The following TMPRSS7 variants were observed in gnomAD, a reference collection of about 807,000 sequenced individuals.
TMPRSS7 encodes the protein transmembrane serine protease 7.
TMPRSS7 carries 81 observed loss-of-function variants against 95.6 expected under a neutral mutation model. The observed-to-expected ratio is 0.85, with a 90% CI of 0.71 to 1.02. TMPRSS7 has a LOEUF of 1.02. Among genes scored for constraint, TMPRSS7 ranks in the 50% least tolerant of loss-of-function variants. The pLI, the probability that TMPRSS7 is intolerant of heterozygous loss-of-function variation, is 0.00. For missense variants in TMPRSS7, 945 were observed against 955.2 expected (o/e 0.99, Z 0.14); for synonymous variants, 364 against 337.8 (o/e 1.08, Z -0.85).
At chr3:112,056,227 T>G (rs991330334) in intron 9 of TMPRSS7, among the ~76,000 whole-genome samples, 1 of 152,150 alleles carries the variant, frequency 6.6e-6, no homozygotes, top group Non-Finnish European at 1.5e-5. Flanking sequence ...AAAGTGACCA[T>G]GAAGCATTCA....
rs370902046 is a variant in TMPRSS7 at position 112,050,744 on chromosome 3, C to G, written c.1164C>G (p.Ser388Arg). ...AAATTTCAAGCCCATATTACCCGAG[C>G]TACTATCCTCCAAAATGCAAGTGTA... The change falls in exon 9 of 18, where the codon AGC (serine) becomes AGG (arginine). Residue 388 changes from serine (S) to arginine (R), a missense_variant. Physicochemically the swap from Ser to Arg is moderately radical, Grantham distance 110 (BLOSUM62 -1). Coordinates refer to ENST00000452346, the Ensembl canonical transcript of TMPRSS7. 1.9e-6 allele frequency: 3 copies of G among 1,601,950 alleles called. No individual in the cohort carries two copies. The African/African-American group carries it at 4.0e-5, about 21-fold the overall frequency.
chr3:112,042,099 AGGTG>A (rs1187303594), intron 3 of TMPRSS7, 49 bp downstream of exon 3: 1 of 1,481,224 alleles, frequency 6.8e-7, no homozygotes, highest in South Asian at 1.2e-5. Context: ...GTTTGCGGGG[AGGTG>A]GGGGATGAAG....
intron 9 of TMPRSS7, among the ~76,000 whole-genome samples, chr3:112,053,655 C>G (rs953004178): frequency 8.5e-5 from 13 of 152,170 alleles, no homozygotes; most frequent in African/African-American, 3.1e-4. Flanking sequence ...AAACACACCT[C>G]TAATACAGAA....
rs1559952842 is a variant in TMPRSS7, at chr3:112,044,119, G to A, written c.430-136G>A. On this transcript the variant is annotated intron_variant, in intron 3 of 17. Coordinates refer to ENST00000452346, the Ensembl canonical transcript of TMPRSS7. ...TGAATTCAAGAAATAATGCCGGGGT[G>A]TGGAGTTAGGAGCCTTTATTTTGAG... The A allele has an allele frequency of 5.0e-6, 3 of 596,472 alleles. No individual in the cohort carries two copies. The South Asian group carries it at 6.4e-5, about 13-fold the overall frequency. The allele number at this position is 596,472 out of a possible 1,614,324, so 36.9% of individuals were successfully genotyped here.
intron 5 of TMPRSS7, 112 bp downstream of exon 5, chr3:112,046,055 TCCCA>T: frequency 1.1e-6 from 1 of 945,918 alleles, no homozygotes; most frequent in Non-Finnish European, 1.6e-6. Context: ...TACCCCACAA[TCCCA>T]GTGGCGCAGG....
chr3:112,075,429 G>C, exon 15 of TMPRSS7: 16 of 1,552,728 alleles, frequency 1.0e-5, no homozygotes, highest in South Asian at 1.2e-5. Flanking sequence ...TCTGCCTACT[G>C]TGGTGCCTCA....
At chr3:112,057,772 C>A (rs569239737) in intron 10 of TMPRSS7, among the ~76,000 whole-genome samples, 1 of 152,220 alleles carries the variant, frequency 6.6e-6, no homozygotes, top group East Asian at 1.9e-4. Context: ...GTCACCCAGG[C>A]TGGAGTGCTG....
intron 13 of TMPRSS7, among the ~76,000 whole-genome samples, chr3:112,072,563 C>T (rs1438179714): frequency 1.3e-5 from 2 of 152,234 alleles, no homozygotes; most frequent in Admixed American, 6.5e-5. Flanking sequence ...TTCAGCTATG[C>T]CCTGCCCACA....
intron 2 of TMPRSS7, among the ~76,000 whole-genome samples, chr3:112,039,016 AC>A (rs1559950866): frequency 6.6e-6 from 1 of 151,976 alleles, no homozygotes; most frequent in Non-Finnish European, 1.5e-5. Context: ...TCCACCCACC[AC>A]CTGTTTCTAG....
intron 12 of TMPRSS7, among the ~76,000 whole-genome samples, chr3:112,065,548 T>C (rs899898610): frequency 4.6e-5 from 7 of 152,218 alleles, no homozygotes; most frequent in African/African-American, 1.4e-4. Context: ...GGACTGTTTT[T>C]TGGTAATCAT....
chr3:112,041,175 A>C (rs2073203160), intron 2 of TMPRSS7, among the ~76,000 whole-genome samples: 1 of 152,110 alleles, frequency 6.6e-6, no homozygotes. Context: ...GCCTAGAGGC[A>C]AGGTGATCAG....
chr3:112,058,625 G>T (rs1274807493), intron 10 of TMPRSS7, among the ~76,000 whole-genome samples: 1 of 152,166 alleles, frequency 6.6e-6, no homozygotes, highest in Non-Finnish European at 1.5e-5. Context: ...TAAAGATACT[G>T]CATTTTGGTA....
At chr3:112,043,974 T>TG (rs1163658001) in intron 3 of TMPRSS7, among the ~76,000 whole-genome samples, 1 of 152,178 alleles carries the variant, frequency 6.6e-6, no homozygotes, top group Non-Finnish European at 1.5e-5. Flanking sequence ...ACCTTTGCAG[T>TG]GGGGAGAATA....
Position 112,081,032 on chromosome 3 carries a change from G to A in TMPRSS7, c.2480G>A (p.Arg827Lys), listed in dbSNP as rs1047406514. 18 of 1,613,336 alleles carry A rather than the reference G, an allele frequency of 1.1e-5. No individual in the cohort carries two copies. Among genetic ancestry groups the A allele is most frequent in the Non-Finnish European group, 1.5e-5 (18 of 1,179,786 alleles). ...CCAAACTTTCCTGGTGTTTACACAA[G>A]GGTGTCAAACTTTGTTCCCTGGATT... The change falls in exon 18 of 18, where the codon AGG (arginine) becomes AAG (lysine). Residue 827 changes from arginine (R) to lysine (K), a missense_variant. By Grantham distance (26) the Arg-to-Lys change is conservative. Transcript: ENST00000452346.
intron 3 of TMPRSS7, among the ~76,000 whole-genome samples, chr3:112,043,533 A>G (rs2073238353): frequency 6.6e-6 from 1 of 152,134 alleles, no homozygotes; most frequent in Non-Finnish European, 1.5e-5. Context: ...CACAGCTTAT[A>G]TTGTTTCCAC....
At chr3:112,046,013 C>A (rs960633136) in intron 5 of TMPRSS7, 70 bp downstream of exon 5, 2 of 1,313,364 alleles carry the variant, frequency 1.5e-6, no homozygotes, top group East Asian at 5.1e-5. Context: ...TGATTATAGT[C>A]AACATTGTAA....
intron 13 of TMPRSS7, among the ~76,000 whole-genome samples, chr3:112,068,957 G>A (rs1444823072): frequency 6.6e-6 from 1 of 152,142 alleles, no homozygotes; most frequent in Admixed American, 6.5e-5. Context: ...TTGGCTGTGG[G>A]TTTGTCATAA....
chr3:112,059,984 T>G (rs2073479265), intron 10 of TMPRSS7, among the ~76,000 whole-genome samples: 1 of 152,116 alleles, frequency 6.6e-6, no homozygotes. Context: ...CTATTTTCCC[T>G]AAGCATCGGC....
At chr3:112,070,925 G>T (rs984642650) in intron 13 of TMPRSS7, among the ~76,000 whole-genome samples, 3 of 152,152 alleles carry the variant, frequency 2.0e-5, no homozygotes, top group African/African-American at 4.8e-5. Flanking sequence ...TCTTTTAACT[G>T]GGGCATTTAG....
Sources: gnomAD v4.1 joint callset for allele counts (sites outside exome capture counted in the v4.1 genomes callset) on GRCh38, gnomAD v4.1.1 for gene constraint, MANE v1.5 for transcripts, NCBI Gene and HGNC (gene_info 2026-07-23, HGNC 2026-07-21) for gene names.